The following CASP9 variants were observed in gnomAD, a reference collection of about 807,000 sequenced individuals.
CASP9 encodes the protein caspase-9.
CASP9 carries 29 observed loss-of-function variants against 43.5 expected under a neutral mutation model. That is an observed-to-expected ratio of 0.67 (90% confidence interval 0.50 to 0.91). CASP9 has a LOEUF of 0.91. Ranked by LOEUF, CASP9 falls within the 40% of genes least tolerant of loss-of-function variation. CASP9 has a pLI of 0.00. For synonymous variants in CASP9, 206 were observed against 211.9 expected (o/e 0.97, Z 0.24); for missense variants, 575 against 537.4 (o/e 1.07, Z -0.69).
rs201963831 is a variant in CASP9 at position 15,491,414 on chromosome 1, TTTA to T, written c.*1526_*1528del. Reference sequence around the variant, plus strand: ...ATGCAAATCACATCTTGATGAGGGTTTTATTATTATTATTAATTCAGAAATCCA... The same window carrying T: ...ATGCAAATCACATCTTGATGAGGGTTTTATTATTATTAATTCAGAAATCCA... On this transcript the variant is annotated 3_prime_UTR_variant, in exon 9 of 9. Coordinates refer to ENST00000333868, the MANE Select transcript of CASP9 (RefSeq NM_001229.5). The T allele has an allele frequency of 7.5e-4, 1,076 of 1,444,152 alleles. 12 individuals are homozygous for T. The East Asian group carries it at 0.02, about 27-fold the overall frequency. 89.5% of individuals were successfully genotyped at this position (1,444,152 alleles called of 1,614,324 possible). A position where few individuals can be genotyped will look rare whatever the true frequency, so the allele number is the denominator to read the frequency against.
chr1:15,517,974 T>C, intron 2 of CASP9, 136 bp downstream of exon 2: 1 of 1,010,614 alleles, frequency 9.9e-7, no homozygotes. Flanking sequence ...CTCCCAGAAT[T>C]TTGCCATCCC....
At chr1:15,494,862 C>CAAAAAAAAAAAAAA (rs563954013) in intron 7 of CASP9, among the ~76,000 whole-genome samples, 1 of 44,298 alleles carries the variant, frequency 2.3e-5, no homozygotes, top group African/African-American at 7.2e-5. Flanking sequence ...GATTCCATCT[C>CAAAAAAAAAAAAAA]AAAAAAAAAA....
chr1:15,494,843 A>ACTCT (rs1031158573), intron 7 of CASP9, among the ~76,000 whole-genome samples: 2 of 144,980 alleles, frequency 1.4e-5, no homozygotes, highest in African/African-American at 2.6e-5. Flanking sequence ...AGCCTGGGCA[A>ACTCT]CAGAGCGAGA....
Position 15,503,536 on chromosome 1 carries a change from C to T in CASP9, c.868+1075G>A, listed in dbSNP as rs972732208. ...AACTCTGTTTTTCCCCTATCCCCAG[C>T]ACCTAACGCACAGCCTGGTATATAC... On this transcript the variant is annotated intron_variant, in intron 6 of 8. Coordinates refer to ENST00000333868, the MANE Select transcript of CASP9 (RefSeq NM_001229.5). Among the ~76,000 whole-genome samples, 8 of 152,318 alleles carry T rather than the reference C, an allele frequency of 5.3e-5. No homozygotes were observed. The South Asian group carries it at 1.5e-3, about 28-fold the overall frequency.
rs918478827 is a variant in CASP9 at position 15,493,990 on chromosome 1, A to G, written c.1060T>C (p.Trp354Arg). ...SYSTFPGFVS[W>R]RDPKSGSWYV... ...CAGGAGCCACTCTTGGGGTCCCTCC[A>G]GGAAACAAAACCTTTGGAGGGAGGA... is the stretch of plus-strand genomic sequence containing the variant. Residue 354 changes from tryptophan (W) to arginine (R), a missense_variant, in exon 8 of 9, where the codon TGG (tryptophan) becomes CGG (arginine). Transcript: ENST00000333868. 6.3e-7 allele frequency: 1 copy of G among 1,592,316 alleles called. No homozygotes were observed. The highest frequency in any genetic ancestry group is 8.6e-7 in the Non-Finnish European group (1 of 1,169,120).
rs1321872745 is a variant in CASP9 at position 15,505,968 on chromosome 1, G to A, written c.720+22C>T. 3 of 1,595,754 alleles carry A rather than the reference G, an allele frequency of 1.9e-6. No individual in the cohort carries two copies. The South Asian group carries it at 3.3e-5, about 18-fold the overall frequency. ...CGGCCAGTACCCAATGCCTGCCCAG[G>A]GAACAGTGGGAGGCTTCCTACCTGA... is the stretch of plus-strand genomic sequence containing the variant. On this transcript the variant is annotated intron_variant, in intron 5 of 8. Transcript: ENST00000333868.
chr1:15,506,404 C>T (rs1339241127), intron 4 of CASP9, among the ~76,000 whole-genome samples: 1 of 151,878 alleles, frequency 6.6e-6, no homozygotes, highest in East Asian at 1.9e-4. Flanking sequence ...TGCAGTGAGC[C>T]GAGATCGCGC....
rs1240521917 is a variant in CASP9 at position 15,509,420 on chromosome 1, G to C, written c.419-1513C>G. On this transcript the variant is annotated intron_variant, in intron 2 of 8. Transcript: ENST00000333868. ...ACCTGAGGTCAGGAGTTCGAGACTA[G>C]CCTGGCCAACGTGGTGAAACCCCAT... Among the ~76,000 whole-genome samples the C allele has an allele frequency of 2.1e-5, 3 of 145,368 alleles. No homozygotes were observed. In the Admixed American group the frequency reaches 2.1e-4, roughly 10 times the overall value.
At chr1:15,494,099 G>T in intron 7 of CASP9, 98 bp from the exon 8 acceptor site, 1 of 1,457,244 alleles carries the variant, frequency 6.9e-7, no homozygotes, top group South Asian at 1.3e-5. Flanking sequence ...GCGCCCTCCA[G>T]ACCTTGACTC....
chr1:15,492,254 GAAGA>G lies in CASP9; in HGVS notation c.*685_*688del, dbSNP rs145846475. 122 of 152,230 alleles carry G rather than the reference GAAGA, an allele frequency of 8.0e-4. No homozygotes were observed. The highest frequency in any genetic ancestry group is 2.8e-3 in the African/African-American group (117 of 41,510). 9.4% of individuals were successfully genotyped at this position (152,230 alleles called of 1,614,324 possible). ...AAGAAAGAGTTGGAGCAAAATGAGG[GAAGA>G]AATAGGCAAAAGAGAGTCCATATTT... On this transcript the variant is annotated 3_prime_UTR_variant, in exon 9 of 9. Transcript: ENST00000333868.
chr1:15,493,852 G>A (rs1345186642), intron 8 of CASP9, 40 bp downstream of exon 8: 1 of 1,556,890 alleles, frequency 6.4e-7, no homozygotes, highest in Non-Finnish European at 8.7e-7. Context: ...CTGCCCCTCA[G>A]CAGCCTCCCC....
chr1:15,497,503 C>T (rs1227637440), intron 6 of CASP9, among the ~76,000 whole-genome samples: 3 of 151,534 alleles, frequency 2.0e-5, no homozygotes, highest in Non-Finnish European at 4.4e-5. Flanking sequence ...ATTAGCTGGG[C>T]GTGGTGGCGT....
chr1:15,501,413 T>C (rs1007537211), intron 6 of CASP9, among the ~76,000 whole-genome samples: 2 of 151,798 alleles, frequency 1.3e-5, no homozygotes, highest in African/African-American at 4.8e-5. Context: ...TTTAAATTAA[T>C]TATTAAATGA....
intron 2 of CASP9, among the ~76,000 whole-genome samples, chr1:15,508,324 T>A (rs1159890517): frequency 6.6e-6 from 1 of 152,356 alleles, no homozygotes; most frequent in African/African-American, 2.4e-5. Context: ...AGAAAGAAAT[T>A]ATTTAGGCAG....
At chr1:15,522,682 T>G (rs1488116844) in intron 1 of CASP9, among the ~76,000 whole-genome samples, 1 of 152,186 alleles carries the variant, frequency 6.6e-6, no homozygotes, top group Non-Finnish European at 1.5e-5. Context: ...ATCCCTGCAC[T>G]CCAGGCTGGG....
At position 15,492,117 on chromosome 1, in the gene CASP9, G is replaced by A. The variant is rs1708914383; in HGVS notation, c.*826C>T. The A allele has an allele frequency of 6.6e-6, 1 of 151,930 alleles. No individual in the cohort carries two copies. Among genetic ancestry groups the A allele is most frequent in the African/African-American group, 2.4e-5 (1 of 41,356 alleles). The allele number at this position is 151,930 out of a possible 1,614,324, so 9.4% of individuals were successfully genotyped here. On this transcript the variant is annotated 3_prime_UTR_variant, in exon 9 of 9. Coordinates refer to ENST00000333868, the MANE Select transcript of CASP9 (RefSeq NM_001229.5). ...TGCACGCCTGTAGTAAGAGCTACTT[G>A]GGAGGGTCACTTGAGCCCAGGAGTT... is the stretch of plus-strand genomic sequence containing the variant.
At chr1:15,505,966 A>G (rs1709502592) in intron 5 of CASP9, 24 bp downstream of exon 5, 2 of 1,589,492 alleles carry the variant, frequency 1.3e-6, no homozygotes, top group Non-Finnish European at 1.7e-6. Context: ...ATGCCTGCCC[A>G]GGGAACAGTG....
At chr1:15,494,559 C>T (rs1166312406) in intron 7 of CASP9, among the ~76,000 whole-genome samples, 3 of 136,794 alleles carry the variant, frequency 2.2e-5, no homozygotes, top group East Asian at 2.3e-4. Context: ...AGCAAGACTC[C>T]GTCTCAAAAA....
At chr1:15,520,605 G>A (rs973606804) in intron 1 of CASP9, among the ~76,000 whole-genome samples, 1 of 152,230 alleles carries the variant, frequency 6.6e-6, no homozygotes, top group Non-Finnish European at 1.5e-5. Context: ...AGGGCTCCTT[G>A]GTCAAGCGGT....
Sources: allele counts gnomAD v4.1 joint callset (sites outside exome capture counted in the v4.1 genomes callset), GRCh38; gene constraint gnomAD v4.1.1; transcripts MANE v1.5; gene names NCBI Gene and HGNC (gene_info 2026-07-23, HGNC 2026-07-21).